The following PATZ1 variants were observed in gnomAD, a reference collection of about 807,000 sequenced individuals.
PATZ1 encodes the protein POZ/BTB and AT hook containing zinc finger 1.
In PATZ1, 9 loss-of-function variants were observed where a neutral mutation model predicts 46.2. That is an observed-to-expected ratio of 0.19 (90% CI 0.12 to 0.34). The LOEUF (loss-of-function observed/expected upper bound fraction) is 0.34. PATZ1 is among the 10% of genes least tolerant of loss of function. PATZ1 has a pLI of 1.00. For missense variants in PATZ1, 632 were observed against 923.0 expected (o/e 0.68, Z 4.08); for synonymous variants, 426 against 378.6 (o/e 1.13, Z -1.45).
At chr22:31,343,162 A>G in intron 1 of PATZ1, 1 of 1,308,320 alleles carries the variant, frequency 7.6e-7, no homozygotes, top group Non-Finnish European at 9.8e-7. Flanking sequence ...TTTTCTCTGG[A>G]GGGGGGAAGA....
At position 31,327,415 on chromosome 22, in the gene PATZ1, T is replaced by C. The variant is rs1601480656; in HGVS notation, c.1646-106A>G. The C allele has an allele frequency of 6.3e-6, 6 of 954,496 alleles. No homozygotes were observed. The South Asian group carries it at 6.5e-5, about 10-fold the overall frequency. The allele number at this position is 954,496 out of a possible 1,614,324, so 59.1% of individuals were successfully genotyped here. A position where few individuals can be genotyped will look rare whatever the true frequency, so the allele number is the denominator to read the frequency against. On this transcript the variant is annotated intron_variant, in intron 4 of 4. Transcript: ENST00000266269. The surrounding 1 kb of genome is among the most constrained non-coding windows in gnomAD (Gnocchi z 4.2). Reference sequence around the variant, plus strand: ...CTCACAGACCTGTGGAGGGCAGCCATTGGCCAGCCACTGCCCTGGCAGAAC... The same window carrying C: ...CTCACAGACCTGTGGAGGGCAGCCACTGGCCAGCCACTGCCCTGGCAGAAC...
chr22:31,342,960 C>T lies in PATZ1; in HGVS notation c.1272G>A (p.Arg424=), dbSNP rs1601497341. The change falls in exon 2 of 5, where the codon AGG becomes AGA. Residue 424 remains arginine (R), a splice_region_variant and synonymous_variant. Transcript: ENST00000266269. ...ICQSCGKGFS[R]PDHLNGHIKQ... ...TGATATGTCCGTTCAAGTGATCAGG[C>T]CTGGAAAAGAGAGAACCAAGAGGGA... 1.2e-6 allele frequency: 2 copies of T among 1,613,894 alleles called. No individual in the cohort carries two copies. Among genetic ancestry groups the T allele is most frequent in the Non-Finnish European group, 1.7e-6 (2 of 1,179,866 alleles).
intron 2 of PATZ1, 152 bp from the exon 3 acceptor site, chr22:31,336,015 C>T (rs745374481): frequency 1.2e-5 from 8 of 668,782 alleles, no homozygotes; most frequent in Non-Finnish European, 2.0e-5. Flanking sequence ...GCTCCCTACC[C>T]AGAATGCCAA....
chr22:31,345,606 C>T lies in PATZ1; in HGVS notation c.-4G>A. The T allele has an allele frequency of 6.3e-7, 1 of 1,583,926 alleles. No homozygotes were observed. The highest frequency in any genetic ancestry group is 8.6e-7 in the Non-Finnish European group (1 of 1,160,204). The stretch of plus-strand genomic sequence containing the variant: ...AAGCGTCGTTCACCCGCTCCATGGC[C>T]GCCGCCCCCTCCCACTAGCCCGGCC... On this transcript the variant is annotated 5_prime_UTR_variant, in exon 1 of 5. Transcript: ENST00000266269. The surrounding 1 kb of genome is among the most constrained non-coding windows in gnomAD (Gnocchi z 7.4).
Position 31,345,676 on chromosome 22 carries a change from G to A in PATZ1, c.-74C>T, listed in dbSNP as rs2049645472. 1.4e-6 allele frequency: 2 copies of A among 1,422,984 alleles called. No homozygotes were observed. Among genetic ancestry groups the A allele is most frequent in the Non-Finnish European group, 1.9e-6 (2 of 1,064,546 alleles). The allele number at this position is 1,422,984 out of a possible 1,614,324, so 88.1% of individuals were successfully genotyped here. On this transcript the variant is annotated 5_prime_UTR_variant, in exon 1 of 5. Coordinates refer to ENST00000266269, the MANE Select transcript of PATZ1 (RefSeq NM_014323.3). This position sits in a 1 kb window ranked among gnomAD's most constrained non-coding sequence, Gnocchi z 7.4. The stretch of plus-strand genomic sequence containing the variant: ...TCCCTTCCCCTCAGCAGCGAGAAGC[G>A]GGGCGCAGCAGACGTGTCCACACTC...
intron 3 of PATZ1, among the ~76,000 whole-genome samples, chr22:31,333,085 A>G (rs548838232): frequency 2.5e-3 from 387 of 152,360 alleles, no homozygotes; most frequent in Non-Finnish European, 4.6e-3. Flanking sequence ...AGCCAGAGTC[A>G]TCTGTCTCTT....
chr22:31,341,426 A>G (rs770890067), intron 2 of PATZ1: 78 of 1,569,892 alleles, frequency 5.0e-5, no homozygotes, highest in Non-Finnish European at 6.5e-5. Context: ...GCCACTGGGT[A>G]AAGGCCCTGC....
intron 3 of PATZ1, among the ~76,000 whole-genome samples, chr22:31,332,437 G>C (rs1419857357): frequency 6.6e-6 from 1 of 152,212 alleles, no homozygotes; most frequent in Non-Finnish European, 1.5e-5. Context: ...TGGAGATGCT[G>C]AGCACACATA....
intron 3 of PATZ1, among the ~76,000 whole-genome samples, chr22:31,329,918 T>A (rs2049417881): frequency 6.6e-6 from 1 of 152,274 alleles, no homozygotes; most frequent in African/African-American, 2.4e-5. Flanking sequence ...TAGCAGGAAC[T>A]GAAGCTTTTT....
At position 31,345,852 on chromosome 22, in the gene PATZ1, TC is replaced by T. The variant is rs978398197; in HGVS notation, c.-251del. The T allele has an allele frequency of 1.7e-4, 68 of 392,354 alleles. No individual in the cohort carries two copies. The highest frequency in any genetic ancestry group is 2.8e-4 in the Non-Finnish European group (62 of 222,086). The allele number at this position is 392,354 out of a possible 1,614,324, so 24.3% of individuals were successfully genotyped here. A position where few individuals can be genotyped will look rare whatever the true frequency, so the allele number is the denominator to read the frequency against. On this transcript the variant is annotated 5_prime_UTR_variant, in exon 1 of 5. Transcript: ENST00000266269. This position sits in a 1 kb window ranked among gnomAD's most constrained non-coding sequence, Gnocchi z 7.4. ...CTGGACTGCGCGCCACTCTCTCCTCTCCGCCCGCCCGCCTCCCCTTCCCGGT... is the reference window on the plus strand; with the variant it reads ...CTGGACTGCGCGCCACTCTCTCCTCTCGCCCGCCCGCCTCCCCTTCCCGGT...
intron 2 of PATZ1, among the ~76,000 whole-genome samples, chr22:31,337,102 T>G (rs2049521045): frequency 6.6e-6 from 1 of 151,630 alleles, no homozygotes; most frequent in Non-Finnish European, 1.5e-5. Context: ...AGAGCAAGAC[T>G]CCGTCTCAAA....
chr22:31,345,707 A>C lies in PATZ1; in HGVS notation c.-105T>G. On this transcript the variant is annotated 5_prime_UTR_variant, in exon 1 of 5. Coordinates refer to ENST00000266269, the MANE Select transcript of PATZ1 (RefSeq NM_014323.3). The surrounding 1 kb of genome is among the most constrained non-coding windows in gnomAD (Gnocchi z 7.4). The stretch of plus-strand genomic sequence containing the variant: ...CAGCAGACGTGTCCACACTCCCCAC[A>C]CGTGCCGGCCCGAGGCTCTGTAGTC... 11 of 1,125,970 alleles carry C rather than the reference A, an allele frequency of 9.8e-6. No homozygotes were observed. The highest frequency in any genetic ancestry group is 9.8e-6 in the Non-Finnish European group (8 of 816,404). The allele number at this position is 1,125,970 out of a possible 1,614,324, so 69.7% of individuals were successfully genotyped here. A position where few individuals can be genotyped will look rare whatever the true frequency, so the allele number is the denominator to read the frequency against.
chr22:31,335,544 G>A, intron 3 of PATZ1, 148 bp downstream of exon 3: 1 of 697,034 alleles, frequency 1.4e-6, no homozygotes, highest in African/African-American at 1.8e-5. Context: ...ATAGCTAGTT[G>A]GGTGATGAAG....
chr22:31,342,391 T>TAC (rs2049593357), intron 2 of PATZ1, among the ~76,000 whole-genome samples: 2 of 152,064 alleles, frequency 1.3e-5, no homozygotes, highest in Admixed American at 6.5e-5. Context: ...ACCCACTCCC[T>TAC]ACCTCCTACC....
intron 3 of PATZ1, among the ~76,000 whole-genome samples, chr22:31,333,900 T>G (rs1184955116): frequency 6.6e-6 from 1 of 152,170 alleles, no homozygotes; most frequent in Non-Finnish European, 1.5e-5. Context: ...TGCTCTCAGT[T>G]TTTCTCTCCT....
rs1422192128 is a variant in PATZ1 at position 31,345,946 on chromosome 22, T to TCCCG, written c.-348_-345dup. On this transcript the variant is annotated 5_prime_UTR_variant, in exon 1 of 5. Coordinates refer to ENST00000266269, the MANE Select transcript of PATZ1 (RefSeq NM_014323.3). The surrounding 1 kb of genome is among the most constrained non-coding windows in gnomAD (Gnocchi z 7.4). ...CTGCAAACGCGCCTGCCACCTCCCC[T>TCCCG]CCCGCCCGCCAGGCGGCGCCGGCGC... The TCCCG allele has an allele frequency of 1.2e-5, 3 of 246,748 alleles. No homozygotes were observed. Among genetic ancestry groups the TCCCG allele is most frequent in the Non-Finnish European group, 2.3e-5 (3 of 129,218 alleles). 15.3% of individuals were successfully genotyped at this position (246,748 alleles called of 1,614,324 possible). A position where few individuals can be genotyped will look rare whatever the true frequency, so the allele number is the denominator to read the frequency against.
Position 31,326,051 on chromosome 22 carries a change from T to C in PATZ1, c.*840A>G, listed in dbSNP as rs1416161313. The C allele has an allele frequency of 2.3e-5, 5 of 217,460 alleles. No homozygotes were observed. Among genetic ancestry groups the C allele is most frequent in the Middle Eastern group, 1.5e-3 (1 of 674 alleles). 13.5% of individuals were successfully genotyped at this position (217,460 alleles called of 1,614,324 possible). A position where few individuals can be genotyped will look rare whatever the true frequency, so the allele number is the denominator to read the frequency against. On this transcript the variant is annotated 3_prime_UTR_variant, in exon 5 of 5. Coordinates refer to ENST00000266269, the MANE Select transcript of PATZ1 (RefSeq NM_014323.3). ...AACAATCAACTAGCCAAGTTAATTATGGTACATCTAAACAAAGTTTAATAC... is the reference window on the plus strand; with the variant it reads ...AACAATCAACTAGCCAAGTTAATTACGGTACATCTAAACAAAGTTTAATAC...
chr22:31,341,173 A>G, intron 2 of PATZ1: 2 of 1,225,032 alleles, frequency 1.6e-6, no homozygotes, highest in Non-Finnish European at 2.0e-6. Context: ...GAAAGGGGGG[A>G]AAAGGCAAGA....
chr22:31,345,593 C>T lies in PATZ1; in HGVS notation c.10G>A (p.Val4Met), dbSNP rs2049643862. 1 of 1,591,960 alleles carries T rather than the reference C, an allele frequency of 6.3e-7. No homozygotes were observed. Among genetic ancestry groups the T allele is most frequent in the African/African-American group, 1.3e-5 (1 of 74,612 alleles). The change falls in exon 1 of 5, where the codon GTG (valine) becomes ATG (methionine). Residue 4 changes from valine to methionine, a missense_variant. Transcript: ENST00000266269. The surrounding 1 kb of genome is among the most constrained non-coding windows in gnomAD (Gnocchi z 7.4). MER[V>M]NDASCGPSGC... ...GACGGGCCGCACGAAGCGTCGTTCA[C>T]CCGCTCCATGGCCGCCGCCCCCTCC...
Sources: gnomAD v4.1 joint callset for allele counts (sites outside exome capture counted in the v4.1 genomes callset) on GRCh38, gnomAD v4.1.1 for gene constraint, Gnocchi (gnomAD v3.1) non-coding constraint, MANE v1.5 for transcripts, NCBI Gene and HGNC (gene_info 2026-07-23, HGNC 2026-07-21) for gene names.